TET2: variants seen among roughly 807,000 people sequenced by gnomAD.
TET2 encodes tet methylcytosine dioxygenase 2.
A neutral mutation model predicts 142.9 loss-of-function variants in TET2; 299 were observed. The observed-to-expected ratio is 2.09, with a 90% CI of 1.90 to 2.30. TET2 has a LOEUF of 2.30. Among genes scored for constraint, TET2 ranks in the 30% most tolerant of loss-of-function variants. The pLI is 0.00. For missense variants in TET2, 2,418 were observed against 2,378.0 expected (o/e 1.02, Z -0.35); for synonymous variants, 819 against 849.0 (o/e 0.96, Z 0.61).
chr4:105,254,434 A>G (rs1329736764), intron 6 of TET2, among the ~76,000 whole-genome samples: 1 of 152,176 alleles, frequency 6.6e-6, no homozygotes, highest in African/African-American at 2.4e-5. Flanking sequence ...TTTTTGAGAC[A>G]GGGTCTCACT....
intron 2 of TET2, among the ~76,000 whole-genome samples, chr4:105,231,748 T>C (rs995773283): frequency 1.1e-4 from 17 of 152,202 alleles, no homozygotes; most frequent in African/African-American, 3.9e-4. Context: ...ATCTTTAAAA[T>C]AAATGTAATG....
intron 2 of TET2, among the ~76,000 whole-genome samples, chr4:105,205,338 C>T (rs963431264): frequency 6.6e-6 from 1 of 152,094 alleles, no homozygotes; most frequent in Non-Finnish European, 1.5e-5. Context: ...AGCCTGTTTT[C>T]CAAGTTAATC....
chr4:105,253,674 A>T (rs4698935), intron 6 of TET2, among the ~76,000 whole-genome samples: 17,083 of 151,810 alleles, frequency 0.11, 1,102 homozygotes, highest in Non-Finnish European at 0.15. Flanking sequence ...TTCCAGTATG[A>T]TGTTGAAAGG....
At chr4:105,196,728 A>G (rs1726116821) in intron 2 of TET2, among the ~76,000 whole-genome samples, 1 of 152,206 alleles carries the variant, frequency 6.6e-6, no homozygotes, top group African/African-American at 2.4e-5. Context: ...TTCCTCAAAC[A>G]TCCTACTTAC....
intron 6 of TET2, among the ~76,000 whole-genome samples, chr4:105,253,546 G>GT (rs530780808): frequency 0.13 from 19,089 of 141,636 alleles, 2,353 homozygotes; most frequent in African/African-American, 0.34. Flanking sequence ...TTTAGATCCA[G>GT]TTTTTTTTTT....
chr4:105,232,355 G>A (rs1728558633), intron 2 of TET2, among the ~76,000 whole-genome samples: 1 of 152,132 alleles, frequency 6.6e-6, no homozygotes, highest in Non-Finnish European at 1.5e-5. Context: ...ATGGTAGAAT[G>A]ATTTATATCC....
In TET2 at chr4:105,214,941, G is replaced by A. The variant is rs545179768; in HGVS notation, c.-46-18956G>A. Among the ~76,000 whole-genome samples the A allele has an allele frequency of 7.8e-4, 118 of 152,256 alleles. 4 individuals are homozygous for A. The South Asian group carries it at 0.024, about 32-fold the overall frequency. On this transcript the variant is annotated intron_variant, in intron 2 of 10. Transcript: ENST00000380013. ...GAGGGTGTTGTGGGAACCCCAACTC[G>A]AAGCTGGTTGGTCAGAAGTTCTGGA... is the stretch of plus-strand genomic sequence containing the variant.
intron 2 of TET2, among the ~76,000 whole-genome samples, chr4:105,207,045 G>T (rs1726867930): frequency 6.6e-6 from 1 of 152,102 alleles, no homozygotes; most frequent in Non-Finnish European, 1.5e-5. Flanking sequence ...AAGCTTCAGA[G>T]ATATAAAAAA....
chr4:105,272,512 C>T (rs1312376709), intron 9 of TET2, 52 bp from the exon 10 acceptor site: 9 of 1,241,770 alleles, frequency 7.2e-6, no homozygotes, highest in East Asian at 5.1e-5. Flanking sequence ...CACACACACA[C>T]GTTTTCTTTG....
chr4:105,215,710 C>T (rs1304492672), intron 2 of TET2, among the ~76,000 whole-genome samples: 2 of 151,568 alleles, frequency 1.3e-5, no homozygotes, highest in Admixed American at 1.3e-4. Context: ...GTTTTTTTTT[C>T]CCCCTTATCT....
chr4:105,150,627 GAAA>G (rs1723250090), intron 1 of TET2, among the ~76,000 whole-genome samples: 1 of 152,344 alleles, frequency 6.6e-6, no homozygotes, highest in South Asian at 2.1e-4. Flanking sequence ...TTCACTGTGG[GAAA>G]GACCAGTTGC....
chr4:105,235,649 C>A lies in TET2; in HGVS notation c.1707C>A (p.Ala569=), dbSNP rs754192447. ...YLKPGWIELK[A]PRFHQAESHL... is the part of the protein sequence containing the mutation. ...AACCAGGATGGATTGAATTGAAGGC[C>A]CCTCGTTTTCACCAAGCGGAATCCC... Residue 569 remains alanine (A), a synonymous_variant, in exon 3 of 11, where the codon GCC becomes GCA. Transcript: ENST00000380013. The A allele has an allele frequency of 6.2e-7, 1 of 1,614,050 alleles. No homozygotes were observed. Among genetic ancestry groups the A allele is most frequent in the South Asian group, 1.1e-5 (1 of 91,070 alleles).
intron 3 of TET2, chr4:105,239,586 C>G: frequency 4.2e-6 from 1 of 239,160 alleles, no homozygotes; most frequent in Non-Finnish European, 8.9e-6. Context: ...GGAGTCAAGG[C>G]CTTGCTCTGG....
intron 3 of TET2, chr4:105,237,955 C>T: frequency 1.0e-6 from 1 of 983,360 alleles, no homozygotes; most frequent in African/African-American, 1.7e-5. Context: ...AAAATTTCAT[C>T]TTTTTGATTA....
chr4:105,234,867 G>A lies in TET2; in HGVS notation c.925G>A (p.Ala309Thr). ...TGCTGATAATGCCAGTAAACTAGCT[G>A]CAATGCTAAATACCTGTTCCTTTCA... ...DDADNASKLA[A>T]MLNTCSFQKP... The change falls in exon 3 of 11, where the codon GCA (alanine) becomes ACA (threonine). Residue 309 changes from alanine (A) to threonine (T), a missense_variant. Transcript: ENST00000380013. 6.2e-7 allele frequency: 1 copy of A among 1,614,042 alleles called. No homozygotes were observed. The highest frequency in any genetic ancestry group is 8.5e-7 in the Non-Finnish European group (1 of 1,180,004).
Position 105,234,340 on chromosome 4 carries a change from C to T in TET2, c.398C>T (p.Pro133Leu), listed in dbSNP as rs764913804. The stretch of plus-strand genomic sequence containing the variant: ...TTCGGGGTAAGCCAAGAAAGAAATC[C>T]AGGTGAAAGCAGTCAACCAAATGTC... ...RNFGVSQERN[P>L]GESSQPNVSD... The change falls in exon 3 of 11, where the codon CCA becomes CTA. Residue 133 changes from proline (P) to leucine (L), a missense_variant. Transcript: ENST00000380013. 6.2e-7 allele frequency: 1 copy of T among 1,613,962 alleles called. No individual in the cohort carries two copies. Among genetic ancestry groups the T allele is most frequent in the South Asian group, 1.1e-5 (1 of 91,064 alleles).
At chr4:105,269,370 T>G (rs1337818762) in intron 8 of TET2, among the ~76,000 whole-genome samples, 1 of 152,172 alleles carries the variant, frequency 6.6e-6, no homozygotes, top group Non-Finnish European at 1.5e-5. Flanking sequence ...TTTATTTTGG[T>G]TGTGACAAAT....
At position 105,275,491 on chromosome 4, in the gene TET2, T is replaced by C; in HGVS notation, c.4981T>C (p.Tyr1661His). The change falls in exon 11 of 11, where the codon TAT (tyrosine) becomes CAT (histidine). Residue 1661 changes from tyrosine (Y) to histidine (H), a missense_variant. Tyr to His is a moderately conservative substitution (Grantham distance 83). Transcript: ENST00000380013. ...PQSQPMDLYRYPSQDPLSKLS... is the reference protein window; with the variant it reads ...PQSQPMDLYRHPSQDPLSKLS... ...GTCTCAGCCGATGGATCTGTATAGG[T>C]ATCCAAGCCAAGACCCTCTGTCTAA... 1 of 1,551,694 alleles carries C rather than the reference T, an allele frequency of 6.4e-7. No individual in the cohort carries two copies. The highest frequency in any genetic ancestry group is 8.7e-7 in the Non-Finnish European group (1 of 1,146,980).
At chr4:105,260,291 TGTC>T (rs1730359172) in intron 7 of TET2, among the ~76,000 whole-genome samples, 2 of 152,166 alleles carry the variant, frequency 1.3e-5, no homozygotes, top group African/African-American at 4.8e-5. Context: ...GTTTTTGTCT[TGTC>T]TGTAGAATAC....
Sources: gnomAD v4.1 joint callset for allele counts (sites outside exome capture counted in the v4.1 genomes callset) on GRCh38, gnomAD v4.1.1 for gene constraint, MANE v1.5 for transcripts, NCBI Gene and HGNC (gene_info 2026-07-23, HGNC 2026-07-21) for gene names.